Variants in ALOX5AP observed in about 807,000 individuals in gnomAD.
ALOX5AP encodes arachidonate 5-lipoxygenase activating protein.
In ALOX5AP, 9 loss-of-function variants were observed where a neutral mutation model predicts 18.5. That is an observed-to-expected ratio of 0.49 (90% confidence interval 0.29 to 0.85). The LOEUF (loss-of-function observed/expected upper bound fraction) is 0.85, where lower values mean the gene tolerates loss of function less well. Ranked by LOEUF, ALOX5AP falls within the 40% of genes least tolerant of loss-of-function variation. The pLI, the probability that ALOX5AP is intolerant of heterozygous loss-of-function variation, is 0.08. For synonymous variants in ALOX5AP, 81 were observed against 78.6 expected, an observed-to-expected ratio of 1.03 and a Z score of -0.16; for missense variants, 172 against 202.5, an observed-to-expected ratio of 0.85 and a Z score of 0.91.
chr13:30,740,122 C>T (rs1405652682), intron 1 of ALOX5AP, among the ~76,000 whole-genome samples: 1 of 152,154 alleles, frequency 6.6e-6, no homozygotes, highest in African/African-American at 2.4e-5. Context: ...TCTAAGAACA[C>T]CTATGCAGAT....
intron 2 of ALOX5AP, among the ~76,000 whole-genome samples, chr13:30,749,435 C>G (rs17245197): frequency 0.019 from 2,861 of 151,926 alleles, 45 homozygotes; most frequent in Middle Eastern, 0.034. Context: ...TTCGAATAAC[C>G]AAAAAAGGAA....
At chr13:30,724,647 C>G (rs1427393253) in intron 1 of ALOX5AP, among the ~76,000 whole-genome samples, 1 of 152,192 alleles carries the variant, frequency 6.6e-6, no homozygotes, top group African/African-American at 2.4e-5. Context: ...AACTATTCGC[C>G]TTTTGAGAAA....
At chr13:30,744,912 C>T (rs151123358) in intron 2 of ALOX5AP, among the ~76,000 whole-genome samples, 5 of 152,298 alleles carry the variant, frequency 3.3e-5, no homozygotes, top group African/African-American at 1.2e-4. Context: ...TGCTAGAGAG[C>T]TAAGGGAGGA....
chr13:30,749,882 C>T (rs1352001425), intron 2 of ALOX5AP, among the ~76,000 whole-genome samples: 1 of 152,186 alleles, frequency 6.6e-6, no homozygotes, highest in East Asian at 1.9e-4. Context: ...GGGTTCTCTG[C>T]AGGGCACAGA....
chr13:30,738,647 A>G (rs1951738986), intron 1 of ALOX5AP, among the ~76,000 whole-genome samples: 1 of 152,182 alleles, frequency 6.6e-6, no homozygotes, highest in South Asian at 2.1e-4. Flanking sequence ...TGGGAAGCAC[A>G]TACTGTATTT....
At chr13:30,735,477 T>A (rs1456221519), upstream of ALOX5AP, 17 of 1,408,138 alleles carry the variant, frequency 1.2e-5, no homozygotes, top group Non-Finnish European at 1.6e-5. Context: ...GAAGGCACTG[T>A]GTAATTGTGC....
At chr13:30,745,099 G>A (rs934358608) in intron 2 of ALOX5AP, among the ~76,000 whole-genome samples, 2 of 152,188 alleles carry the variant, frequency 1.3e-5, no homozygotes, top group African/African-American at 2.4e-5. Context: ...ACCATGGGAG[G>A]GAGGGTCCCC....
chr13:30,744,014 T>A (rs200322173), intron 1 of ALOX5AP, 46 bp from the exon 2 acceptor site: 12 of 1,539,934 alleles, frequency 7.8e-6, no homozygotes, highest in Non-Finnish European at 1.1e-5. Context: ...AACAGGCTCC[T>A]GAACATGCCC....
intron 1 of ALOX5AP, among the ~76,000 whole-genome samples, chr13:30,742,867 C>T (rs1164676939): frequency 1.8e-4 from 25 of 135,672 alleles, no homozygotes; most frequent in Non-Finnish European, 3.0e-4. Flanking sequence ...CCGCCCCCCC[C>T]CCACCCCCCA....
At chr13:30,738,510 A>G (rs990039278) in intron 1 of ALOX5AP, among the ~76,000 whole-genome samples, 3 of 152,200 alleles carry the variant, frequency 2.0e-5, no homozygotes, top group Non-Finnish European at 4.4e-5. Context: ...GTTGGGCTCA[A>G]ATCTGTCTCC....
chr13:30,733,635 T>C (rs1951698851), upstream of ALOX5AP, among the ~76,000 whole-genome samples: 1 of 152,296 alleles, frequency 6.6e-6, no homozygotes, highest in Non-Finnish European at 1.5e-5. Flanking sequence ...TTTCTGGGTG[T>C]GTTAGGGAGG....
Position 30,752,064 on chromosome 13 carries a change from A to G in ALOX5AP, c.183A>G (p.Val61=). 6.2e-7 allele frequency: 1 copy of G among 1,614,182 alleles called. No homozygotes were observed. The highest frequency in any genetic ancestry group is 8.5e-7 in the Non-Finnish European group (1 of 1,179,998). Residue 61 remains valine (V), a synonymous_variant, in exon 3 of 5, where the codon GTA becomes GTG. Coordinates refer to ENST00000380490, the MANE Select transcript of ALOX5AP (RefSeq NM_001629.4). The stretch of plus-strand genomic sequence containing the variant: ...GTTTATTCTGCAGCCAGAACTGTGT[A>G]GATGCGTACCCCACTTTCCTCGCTG... ...ERVYTANQNC[V]DAYPTFLAVL...
At chr13:30,750,990 C>T (rs1951847250) in intron 2 of ALOX5AP, among the ~76,000 whole-genome samples, 1 of 152,172 alleles carries the variant, frequency 6.6e-6, no homozygotes, top group Non-Finnish European at 1.5e-5. Flanking sequence ...AGGATTGCAG[C>T]CCTGCTAATA....
intron 1 of ALOX5AP, among the ~76,000 whole-genome samples, chr13:30,730,442 G>A (rs1000834213): frequency 3.3e-5 from 5 of 152,168 alleles, no homozygotes; most frequent in African/African-American, 9.7e-5. Flanking sequence ...ATATTGGTCT[G>A]AATATTCTTT....
chr13:30,745,613 T>C (rs1327747547), intron 2 of ALOX5AP, among the ~76,000 whole-genome samples: 1 of 152,254 alleles, frequency 6.6e-6, no homozygotes, highest in Non-Finnish European at 1.5e-5. Flanking sequence ...GTCTTCCATG[T>C]ATTAATTCTC....
chr13:30,741,008 A>G lies in ALOX5AP; in HGVS notation c.71-3052A>G, dbSNP rs143550772. 2.1e-3 allele frequency among the ~76,000 whole-genome samples: 315 copies of G among 149,944 alleles called. 1 individual carries two copies. In the Middle Eastern group the frequency reaches 0.031, roughly 15 times the overall value. On this transcript the variant is annotated intron_variant, in intron 1 of 4. Coordinates refer to ENST00000380490, the MANE Select transcript of ALOX5AP (RefSeq NM_001629.4). ...TCGGTATCCCTGGGGGATTAGTTCT[A>G]TGACCTCCCTCGGATGCCAAAATTC...
intron 4 of ALOX5AP, among the ~76,000 whole-genome samples, chr13:30,761,569 C>CTCTG (rs1161953635): frequency 2.0e-5 from 3 of 152,188 alleles, no homozygotes; most frequent in African/African-American, 7.2e-5. Flanking sequence ...TAGCAGGGGA[C>CTCTG]TCTGTACTCA....
chr13:30,739,914 A>G (rs1593435768), intron 1 of ALOX5AP, among the ~76,000 whole-genome samples: 1 of 152,214 alleles, frequency 6.6e-6, no homozygotes, highest in East Asian at 1.9e-4. Context: ...CTCCCTGCTC[A>G]AGAAGTTCTT....
In ALOX5AP at chr13:30,755,981, G is replaced by A; in HGVS notation, c.279G>A (p.Val93=). The change falls in exon 4 of 5, where the codon GTG becomes GTA. Residue 93 remains valine (V), a synonymous_variant. Coordinates refer to ENST00000380490, the MANE Select transcript of ALOX5AP (RefSeq NM_001629.4). ...AAFAGLMYLF[V]RQKYFVGYLG... is the part of the protein sequence containing the mutation. Reference sequence around the variant, plus strand: ...TTGCTGGACTGATGTACTTGTTTGTGAGGCAAAAGTACTTTGTCGGTTACC... The same window carrying A: ...TTGCTGGACTGATGTACTTGTTTGTAAGGCAAAAGTACTTTGTCGGTTACC... 2 of 1,614,138 alleles carry A rather than the reference G, an allele frequency of 1.2e-6. No homozygotes were observed. Among genetic ancestry groups the A allele is most frequent in the Non-Finnish European group, 1.7e-6 (2 of 1,179,986 alleles).
Sources: gnomAD v4.1 joint callset for allele counts (sites outside exome capture counted in the v4.1 genomes callset) on GRCh38, gnomAD v4.1.1 for gene constraint, MANE v1.5 for transcripts, NCBI Gene and HGNC (gene_info 2026-07-23, HGNC 2026-07-21) for gene names.